ZNF385D: variants seen among roughly 807,000 people sequenced by gnomAD.
ZNF385D encodes zinc finger protein 659.
A neutral mutation model predicts 35.8 loss-of-function variants in ZNF385D; 15 were observed. The observed-to-expected ratio is 0.42, with a 90% confidence interval of 0.28 to 0.64. The LOEUF (loss-of-function observed/expected upper bound fraction) is 0.64, where lower values mean the gene tolerates loss of function less well. ZNF385D is among the 30% of genes least tolerant of loss of function. The pLI is 0.23. For synonymous variants in ZNF385D, 212 were observed against 186.8 expected, an observed-to-expected ratio of 1.13 and a Z score of -1.10; for missense variants, 474 against 494.6, an observed-to-expected ratio of 0.96 and a Z score of 0.39.
intron 3 of ZNF385D, among the ~76,000 whole-genome samples, chr3:21,776,752 G>A (rs1262310147): frequency 6.6e-6 from 1 of 151,930 alleles, no homozygotes; most frequent in Non-Finnish European, 1.5e-5. Flanking sequence ...TACAAGTGAT[G>A]TTTACAAATC....
At chr3:21,734,114 T>C (rs1277627457) in intron 1 of ZNF385D, among the ~76,000 whole-genome samples, 1 of 152,176 alleles carries the variant, frequency 6.6e-6, no homozygotes, top group African/African-American at 2.4e-5. Flanking sequence ...GATCAAATAC[T>C]ATTAGTATTT....
intron 2 of ZNF385D, among the ~76,000 whole-genome samples, chr3:22,236,417 A>C (rs974100233): frequency 6.6e-6 from 1 of 152,084 alleles, no homozygotes; most frequent in African/African-American, 2.4e-5. Flanking sequence ...CTGCAGCCTC[A>C]AACTCCTGGC....
At chr3:22,178,479 T>G (rs994766035) in intron 2 of ZNF385D, among the ~76,000 whole-genome samples, 14 of 152,240 alleles carry the variant, frequency 9.2e-5, no homozygotes, top group Non-Finnish European at 1.6e-4. Context: ...TTCTGGATAT[T>G]AGCCCTTTGT....
intron 4 of ZNF385D, among the ~76,000 whole-genome samples, chr3:21,440,134 A>T (rs531803403): frequency 1.4e-4 from 21 of 152,230 alleles, no homozygotes; most frequent in Non-Finnish European, 2.8e-4. Context: ...TTTTAGCATT[A>T]TGACTTATTC....
intron 2 of ZNF385D, among the ~76,000 whole-genome samples, chr3:22,371,411 T>A (rs796085482): frequency 2.1e-4 from 15 of 72,060 alleles, no homozygotes; most frequent in African/African-American, 9.9e-4. Flanking sequence ...CTACAGAATG[T>A]CAGATGTTCT....
At chr3:21,530,925 T>G (rs1401964145) in intron 3 of ZNF385D, among the ~76,000 whole-genome samples, 1 of 152,140 alleles carries the variant, frequency 6.6e-6, no homozygotes, top group East Asian at 1.9e-4. Context: ...ATCCATACCA[T>G]GTTTAAACAC....
chr3:21,852,827 T>C (rs1696467521), intron 3 of ZNF385D, among the ~76,000 whole-genome samples: 1 of 151,694 alleles, frequency 6.6e-6, no homozygotes, highest in South Asian at 2.1e-4. Flanking sequence ...TGAAAAAGAG[T>C]GAGACTTGAA....
In ZNF385D at chr3:21,825,693, T is replaced by C. The variant is rs367896078; in HGVS notation, c.326-160665A>G. On this transcript the variant is annotated intron_variant, in intron 3 of 5. Coordinates refer to the ZNF385D transcript ENST00000494108. ...AGAGGGACGCTGTGGAAAAGGAGAATGAAATTTTCTTGTCTCTTTCTCTGT... is the reference window on the plus strand; with the variant it reads ...AGAGGGACGCTGTGGAAAAGGAGAACGAAATTTTCTTGTCTCTTTCTCTGT... Among the ~76,000 whole-genome samples the C allele has an allele frequency of 2.0e-4, 31 of 152,286 alleles. 1 individual carries two copies. The East Asian group carries it at 3.9e-3, about 19-fold the overall frequency.
At chr3:22,371,398 C>T (rs533816462) in intron 2 of ZNF385D, among the ~76,000 whole-genome samples, 6 of 108,834 alleles carry the variant, frequency 5.5e-5, no homozygotes, top group African/African-American at 7.7e-5. Context: ...TCCTTAGTTA[C>T]ACCTACAGAA....
chr3:21,493,269 A>T (rs934566554), intron 4 of ZNF385D, among the ~76,000 whole-genome samples: 2 of 152,132 alleles, frequency 1.3e-5, no homozygotes, highest in African/African-American at 4.8e-5. Flanking sequence ...CTACTAGTAG[A>T]GAGATAACTA....
intron 3 of ZNF385D, among the ~76,000 whole-genome samples, chr3:22,139,440 A>G (rs532061093): frequency 0.03 from 4,609 of 152,200 alleles, 239 homozygotes; most frequent in African/African-American, 0.11. Flanking sequence ...CAGCCATAAA[A>G]AACGATGAGT....
intron 4 of ZNF385D, among the ~76,000 whole-genome samples, chr3:21,509,452 T>C (rs1410686080): frequency 6.6e-6 from 1 of 152,176 alleles, no homozygotes; most frequent in African/African-American, 2.4e-5. Flanking sequence ...ATAAAGCAGG[T>C]AGTCTTCGAT....
chr3:22,214,821 C>T (rs1402207057), intron 2 of ZNF385D, among the ~76,000 whole-genome samples: 3 of 151,978 alleles, frequency 2.0e-5, no homozygotes, highest in African/African-American at 4.8e-5. Flanking sequence ...TTAATTTTGC[C>T]CTGGTCCTGT....
At chr3:21,722,420 G>C (rs1174482071) in intron 1 of ZNF385D, among the ~76,000 whole-genome samples, 3 of 152,236 alleles carry the variant, frequency 2.0e-5, no homozygotes, top group African/African-American at 7.2e-5. Context: ...TAGTGCTTAG[G>C]TCTTGTTTGC....
intron 3 of ZNF385D, among the ~76,000 whole-genome samples, chr3:21,765,906 A>C: frequency 6.6e-6 from 1 of 152,094 alleles, no homozygotes; most frequent in Non-Finnish European, 1.5e-5. Flanking sequence ...TTCCTCCCAT[A>C]GTAGTATCTT....
At chr3:21,839,595 C>T (rs2125783369) in intron 3 of ZNF385D, among the ~76,000 whole-genome samples, 1 of 152,206 alleles carries the variant, frequency 6.6e-6, no homozygotes, top group South Asian at 2.1e-4. Context: ...CCGACAATTT[C>T]AGTTGCTTAC....
chr3:21,560,204 G>A (rs2062889973), intron 3 of ZNF385D, among the ~76,000 whole-genome samples: 1 of 152,088 alleles, frequency 6.6e-6, no homozygotes, highest in Admixed American at 6.6e-5. Flanking sequence ...TCTCTTACTG[G>A]CGAGGAGTTG....
chr3:22,326,819 C>A (rs772683006), intron 2 of ZNF385D, among the ~76,000 whole-genome samples: 1 of 152,204 alleles, frequency 6.6e-6, no homozygotes, highest in African/African-American at 2.4e-5. Flanking sequence ...AGATACCGAA[C>A]ATTACCAAAG....
intron 3 of ZNF385D, among the ~76,000 whole-genome samples, chr3:22,074,481 G>T (rs115636222): frequency 0.014 from 2,074 of 151,968 alleles, 39 homozygotes; most frequent in African/African-American, 0.04. Flanking sequence ...AGTTGAACAT[G>T]AATCTTGCAT....
Sources: allele counts gnomAD v4.1 joint callset (sites outside exome capture counted in the v4.1 genomes callset), GRCh38; gene constraint gnomAD v4.1.1; transcripts MANE v1.5; gene names NCBI Gene and HGNC (gene_info 2026-07-23, HGNC 2026-07-21).